The following TDRD1 variants were observed in gnomAD, a reference collection of about 807,000 sequenced individuals.
TDRD1 encodes the protein tudor domain-containing protein 1.
TDRD1 carries 37 observed loss-of-function variants against 140.6 expected under a neutral mutation model. The ratio of observed to expected loss-of-function variants is 0.26; its 90% confidence interval spans 0.20 to 0.35. The LOEUF is 0.35. Ranked by LOEUF, TDRD1 falls within the 10% of genes least tolerant of loss-of-function variation. The probability of loss-of-function intolerance (pLI) is 1.00; values close to 1 mark genes in which losing one functional copy is unlikely to be tolerated. For missense variants in TDRD1, 1,243 were observed against 1,393.0 expected (o/e 0.89, Z 1.71); for synonymous variants, 506 against 475.7 (o/e 1.06, Z -0.83).
Position 114,209,930 on chromosome 10 carries a change from C to CT in TDRD1, c.1385-650dup, listed in dbSNP as rs1480882414. ...ATTCTGATAAGTTGCCATAATGTCT[C>CT]TAAGTCTTGATGCTAAAAATATATT... On this transcript the variant is annotated intron_variant, in intron 11 of 25. Coordinates refer to ENST00000251864, the Ensembl canonical transcript of TDRD1. 1.1e-4 allele frequency among the ~76,000 whole-genome samples: 16 copies of CT among 152,304 alleles called. 1 individual carries two copies. Among genetic ancestry groups the CT allele is most frequent in the African/African-American group, 3.6e-4 (15 of 41,568 alleles).
chr10:114,185,410 G>A (rs998631706), intron 1 of TDRD1, among the ~76,000 whole-genome samples: 2 of 151,964 alleles, frequency 1.3e-5, no homozygotes, highest in African/African-American at 2.4e-5. Flanking sequence ...GGCTGGTCTC[G>A]AACTCCTGAC....
intron 4 of TDRD1, among the ~76,000 whole-genome samples, chr10:114,200,711 CG>C (rs377504727): frequency 1.9e-4 from 29 of 152,030 alleles, no homozygotes; most frequent in African/African-American, 7.0e-4. Flanking sequence ...TTTGTAGAGA[CG>C]GGGTTTCACC....
intron 11 of TDRD1, among the ~76,000 whole-genome samples, chr10:114,209,364 A>G (rs2035336357): frequency 6.6e-6 from 1 of 152,168 alleles, no homozygotes; most frequent in Non-Finnish European, 1.5e-5. Context: ...AAGCCTGGAG[A>G]TAGAGAACCA....
chr10:114,229,266 G>T (rs1323074246), intron 25 of TDRD1, among the ~76,000 whole-genome samples: 2 of 152,134 alleles, frequency 1.3e-5, no homozygotes, highest in South Asian at 2.1e-4. Context: ...TCAAGAGGTG[G>T]CTATAATACT....
chr10:114,213,205 A>T, intron 14 of TDRD1, 141 bp from the exon 15 acceptor site: 1 of 774,300 alleles, frequency 1.3e-6, no homozygotes, highest in East Asian at 2.8e-5. Context: ...TTATGCATTC[A>T]TTTTTATGTT....
At chr10:114,227,267 T>G in exon 23 of TDRD1, 1 of 1,613,978 alleles carries the variant, frequency 6.2e-7, no homozygotes, top group East Asian at 2.2e-5. Context: ...GCAAAAAACA[T>G]CACACCTCAA....
chr10:114,186,901 T>C (rs2033576965), intron 1 of TDRD1, among the ~76,000 whole-genome samples: 1 of 152,226 alleles, frequency 6.6e-6, no homozygotes, highest in African/African-American at 2.4e-5. Flanking sequence ...TTATTTTTTT[T>C]CTATTCAAGA....
chr10:114,212,120 T>G (rs2035524041), intron 14 of TDRD1, 84 bp downstream of exon 14: 5 of 1,300,846 alleles, frequency 3.8e-6, no homozygotes, highest in Non-Finnish European at 5.2e-6. Flanking sequence ...AGGGAAAAGC[T>G]GCTTCTCAAA....
chr10:114,198,372 C>T (rs1564942100), intron 3 of TDRD1, among the ~76,000 whole-genome samples: 3 of 152,278 alleles, frequency 2.0e-5, no homozygotes, highest in South Asian at 4.1e-4. Context: ...ATGTGGCCTC[C>T]GTAGGGAGGG....
At chr10:114,200,847 CTTTTTTTT>C (rs33964094) in intron 4 of TDRD1, among the ~76,000 whole-genome samples, 1 of 80,406 alleles carries the variant, frequency 1.2e-5, no homozygotes, top group African/African-American at 5.5e-5. Context: ...TTGCTGCTGC[CTTTTTTTT>C]TTTTTTTTTT....
chr10:114,194,639 G>GT (rs1401754823), intron 3 of TDRD1, among the ~76,000 whole-genome samples: 2 of 148,054 alleles, frequency 1.4e-5, no homozygotes, highest in African/African-American at 5.0e-5. Flanking sequence ...TTTTTTTCCT[G>GT]TTTTTTAAAT....
At chr10:114,192,872 A>G (rs2034084363) in intron 3 of TDRD1, among the ~76,000 whole-genome samples, 2 of 152,184 alleles carry the variant, frequency 1.3e-5, no homozygotes, top group African/African-American at 2.4e-5. Context: ...GAAATTGGGA[A>G]AAGTGATTCC....
intron 9 of TDRD1, among the ~76,000 whole-genome samples, 173 bp downstream of exon 9, chr10:114,204,389 G>A (rs1323558096): frequency 1.3e-5 from 2 of 152,150 alleles, no homozygotes; most frequent in Non-Finnish European, 2.9e-5. Flanking sequence ...TGCCCAGGGT[G>A]AGAAACTAAC....
chr10:114,210,585 T>C (rs2035419207), exon 12 of TDRD1: 1 of 1,589,240 alleles, frequency 6.3e-7, no homozygotes, highest in African/African-American at 1.3e-5. Flanking sequence ...GATAAGGTGA[T>C]CCTGAAGATG....
chr10:114,213,426 G>C, exon 15 of TDRD1: 1 of 1,614,046 alleles, frequency 6.2e-7, no homozygotes, highest in Non-Finnish European at 8.5e-7. Context: ...AATAATCACA[G>C]TGAAAGTGGT....
At chr10:114,219,363 G>A (rs934613584) in intron 18 of TDRD1, among the ~76,000 whole-genome samples, 2 of 151,966 alleles carry the variant, frequency 1.3e-5, no homozygotes, top group African/African-American at 4.8e-5. Context: ...AACAGTGCTT[G>A]GCATTATACC....
At chr10:114,211,930 A>T in exon 14 of TDRD1, 1 of 1,612,398 alleles carries the variant, frequency 6.2e-7, no homozygotes, top group South Asian at 1.1e-5. Flanking sequence ...TACTGGTCGG[A>T]TATGTAGATT....
Position 114,210,856 on chromosome 10 carries a change from G to A in TDRD1, c.1553-4G>A. 1 of 1,613,970 alleles carries A rather than the reference G, an allele frequency of 6.2e-7. No individual in the cohort carries two copies. Among genetic ancestry groups the A allele is most frequent in the Non-Finnish European group, 8.5e-7 (1 of 1,179,908 alleles). ...TTTCTTTAAGATGTGATCTTTATCT[G>A]CAGGAAAGCTTGCTGAACTTCAGGC... On this transcript the variant is annotated splice_region_variant and splice_polypyrimidine_tract_variant and intron_variant, in intron 12 of 25. Transcript: ENST00000251864.
At chr10:114,175,094 G>C (rs1206763700), upstream of TDRD1, among the ~76,000 whole-genome samples, 1 of 152,200 alleles carries the variant, frequency 6.6e-6, no homozygotes, top group African/African-American at 2.4e-5. Context: ...ACACACGGAG[G>C]TGTAATGGCA....
Sources: allele counts gnomAD v4.1 joint callset (sites outside exome capture counted in the v4.1 genomes callset), GRCh38; gene constraint gnomAD v4.1.1; transcripts MANE v1.5; gene names NCBI Gene and HGNC (gene_info 2026-07-23, HGNC 2026-07-21).